The following HCRTR2 variants were observed in gnomAD, a reference collection of about 807,000 sequenced individuals.
The protein encoded by HCRTR2 is orexin receptor type 2.
In HCRTR2, 22 loss-of-function variants were observed where a neutral mutation model predicts 49.0. That is an observed-to-expected ratio of 0.45 (90% CI 0.32 to 0.64). The LOEUF is 0.64. Ranked by LOEUF, HCRTR2 falls within the 30% of genes least tolerant of loss-of-function variation. The pLI, the probability that HCRTR2 is intolerant of heterozygous loss-of-function variation, is 0.04. For missense variants in HCRTR2, 491 were observed against 559.4 expected (o/e 0.88, Z 1.23); for synonymous variants, 236 against 205.3 (o/e 1.15, Z -1.28).
intron 1 of HCRTR2, among the ~76,000 whole-genome samples, chr6:55,162,746 G>C (rs970500210): frequency 2.0e-5 from 3 of 151,534 alleles, no homozygotes; most frequent in Admixed American, 2.0e-4. Flanking sequence ...AAATACCTAG[G>C]AATACAACTT....
chr6:55,215,086 G>A (rs1765764309), intron 1 of HCRTR2, among the ~76,000 whole-genome samples: 1 of 152,018 alleles, frequency 6.6e-6, no homozygotes, highest in Non-Finnish European at 1.5e-5. Flanking sequence ...GAGCACAATG[G>A]CCTGCAACTA....
chr6:55,112,886 A>G (rs1447499424), intron 1 of HCRTR2, among the ~76,000 whole-genome samples: 1 of 152,090 alleles, frequency 6.6e-6, no homozygotes, highest in African/African-American at 2.4e-5. Context: ...CTATACTACA[A>G]GGCTATAGTC....
At chr6:55,116,448 GAT>G (rs1349533317) in intron 1 of HCRTR2, among the ~76,000 whole-genome samples, 6 of 150,572 alleles carry the variant, frequency 4.0e-5, no homozygotes, top group Non-Finnish European at 5.9e-5. Context: ...TCTAGGGGGA[GAT>G]AGAAAAAGAG....
intron 1 of HCRTR2, among the ~76,000 whole-genome samples, chr6:55,228,968 A>C (rs1284471452): frequency 6.6e-6 from 1 of 152,066 alleles, no homozygotes; most frequent in Non-Finnish European, 1.5e-5. Context: ...TAATCCACTA[A>C]GTAGGGTTGC....
chr6:55,145,781 C>A (rs1432054306), intron 1 of HCRTR2, among the ~76,000 whole-genome samples: 2 of 151,964 alleles, frequency 1.3e-5, no homozygotes, highest in Non-Finnish European at 2.9e-5. Flanking sequence ...TAGCCACATA[C>A]CATACCATAT....
intron 1 of HCRTR2, among the ~76,000 whole-genome samples, chr6:55,129,963 G>T (rs535412029): frequency 6.6e-6 from 1 of 151,898 alleles, no homozygotes; most frequent in Admixed American, 6.6e-5. Context: ...GCTAACCCAC[G>T]TGTATTTTCC....
chr6:55,252,421 C>T lies in HCRTR2; in HGVS notation c.403-2715C>T, dbSNP rs377245534. On this transcript the variant is annotated intron_variant, in intron 2 of 6. Coordinates refer to ENST00000370862, the MANE Select transcript of HCRTR2 (RefSeq NM_001384272.1). The stretch of plus-strand genomic sequence containing the variant: ...ATTAATGGATTATAAATTACTAAGG[C>T]TTGATGAACACTTTGTACTTCTAAT... 2.8e-4 allele frequency among the ~76,000 whole-genome samples: 43 copies of T among 152,204 alleles called. 1 individual carries two copies. The South Asian group carries it at 4.1e-3, about 15-fold the overall frequency.
chr6:55,224,714 A>C (rs1255801961), intron 1 of HCRTR2, among the ~76,000 whole-genome samples: 1 of 152,176 alleles, frequency 6.6e-6, no homozygotes, highest in East Asian at 1.9e-4. Flanking sequence ...TGTCATTTGC[A>C]ACAACATGGA....
intron 1 of HCRTR2, among the ~76,000 whole-genome samples, chr6:55,207,788 T>A (rs1000131163): frequency 6.6e-6 from 1 of 152,158 alleles, no homozygotes; most frequent in Non-Finnish European, 1.5e-5. Flanking sequence ...AACGATAAAA[T>A]AGCACAACTC....
intron 1 of HCRTR2, among the ~76,000 whole-genome samples, chr6:55,204,985 T>C (rs2127287294): frequency 6.6e-6 from 1 of 152,212 alleles, no homozygotes; most frequent in Non-Finnish European, 1.5e-5. Context: ...TTAGTGGAGA[T>C]GAGGTCTCGC....
chr6:55,230,324 CTAATAA>C (rs1766090092), intron 1 of HCRTR2, among the ~76,000 whole-genome samples: 1 of 152,108 alleles, frequency 6.6e-6, no homozygotes, highest in African/African-American at 2.4e-5. Flanking sequence ...ACTAATGCCT[CTAATAA>C]TAATAACAGT....
intron 4 of HCRTR2, 92 bp downstream of exon 4, chr6:55,263,914 T>C (rs1301220918): frequency 1.2e-6 from 1 of 805,782 alleles, no homozygotes; most frequent in Non-Finnish European, 2.1e-6. Flanking sequence ...GTGCTTTTTT[T>C]TTAGGATGCA....
intron 1 of HCRTR2, among the ~76,000 whole-genome samples, chr6:55,115,665 A>G (rs1488852933): frequency 1.3e-5 from 2 of 151,628 alleles, no homozygotes; most frequent in Non-Finnish European, 3.0e-5. Flanking sequence ...TTATTCCATA[A>G]TCTTTATTAA....
chr6:55,153,126 A>G, intron 1 of HCRTR2, among the ~76,000 whole-genome samples: 1 of 152,096 alleles, frequency 6.6e-6, no homozygotes, highest in South Asian at 2.1e-4. Flanking sequence ...TCCAGTTTTC[A>G]CAGCACTGCT....
At chr6:55,248,871 C>T (rs575911202) in intron 2 of HCRTR2, 54 bp downstream of exon 2, 57 of 1,429,210 alleles carry the variant, frequency 4.0e-5, no homozygotes, top group East Asian at 1.6e-4. Flanking sequence ...TCAGCCATAG[C>T]GATGGCCCTT....
At chr6:55,180,177 T>C (rs1365841675) in intron 1 of HCRTR2, among the ~76,000 whole-genome samples, 1 of 152,188 alleles carries the variant, frequency 6.6e-6, no homozygotes, top group Non-Finnish European at 1.5e-5. Context: ...GATTAATAGG[T>C]TTTACAAATA....
intron 4 of HCRTR2, among the ~76,000 whole-genome samples, chr6:55,274,863 CATATT>C (rs1217685167): frequency 1.3e-5 from 2 of 152,030 alleles, no homozygotes; most frequent in Non-Finnish European, 2.9e-5. Flanking sequence ...TTTGTTGGAA[CATATT>C]ATATTTTCTG....
chr6:55,199,991 GT>G (rs1269001566), intron 1 of HCRTR2, among the ~76,000 whole-genome samples: 6 of 152,262 alleles, frequency 3.9e-5, no homozygotes, highest in Non-Finnish European at 7.4e-5. Context: ...GTGATTAAAG[GT>G]TGGTATTTGG....
rs2127335846 is a variant in HCRTR2, at chr6:55,282,513, G to A, written c.*59G>A. The A allele has an allele frequency of 1.1e-6, 1 of 942,146 alleles. No homozygotes were observed. The highest frequency in any genetic ancestry group is 1.7e-6 in the Non-Finnish European group (1 of 596,700). The allele number at this position is 942,146 out of a possible 1,614,324, so 58.4% of individuals were successfully genotyped here. On this transcript the variant is annotated 3_prime_UTR_variant, in exon 7 of 7. Transcript: ENST00000370862. Reference sequence around the variant, plus strand: ...AAACTATCCTTTTTAAAATCACTGGGAACAGAAATTTTATTATCCTATGAT... The same window carrying A: ...AAACTATCCTTTTTAAAATCACTGGAAACAGAAATTTTATTATCCTATGAT...
Sources: allele counts gnomAD v4.1 joint callset (sites outside exome capture counted in the v4.1 genomes callset), GRCh38; gene constraint gnomAD v4.1.1; transcripts MANE v1.5; gene names NCBI Gene and HGNC (gene_info 2026-07-23, HGNC 2026-07-21).